The following SEL1L2 variants were observed in gnomAD, a reference collection of about 807,000 sequenced individuals.
SEL1L2 encodes SEL1L2 adaptor subunit of SYVN1 ubiquitin ligase.
In SEL1L2, 89 loss-of-function variants were observed where a neutral mutation model predicts 98.8. The ratio of observed to expected loss-of-function variants is 0.90; its 90% confidence interval spans 0.76 to 1.07. The LOEUF (loss-of-function observed/expected upper bound fraction) is 1.07. Ranked by LOEUF, SEL1L2 falls within the 50% of genes least tolerant of loss-of-function variation. The pLI, the probability that SEL1L2 is intolerant of heterozygous loss-of-function variation, is 0.00. For missense variants in SEL1L2, 788 were observed against 812.0 expected (o/e 0.97, Z 0.36); for synonymous variants, 262 against 278.5 (o/e 0.94, Z 0.59).
chr20:13,965,081 G>A (rs577031572), intron 1 of SEL1L2, among the ~76,000 whole-genome samples: 1 of 152,028 alleles, frequency 6.6e-6, no homozygotes, highest in East Asian at 1.9e-4. Context: ...CTGGGCCAGT[G>A]GGGAGTTTGG....
chr20:13,865,827 GTGTC>G lies in SEL1L2; in HGVS notation c.1405-317_1405-314del, dbSNP rs1479655757. Among the ~76,000 whole-genome samples the G allele has an allele frequency of 9.4e-4, 91 of 97,136 alleles. No homozygotes were observed. The Middle Eastern group carries it at 0.073, about 78-fold the overall frequency. The allele number at this position is 97,136 out of a possible 152,430, so 63.7% of individuals were successfully genotyped here. On this transcript the variant is annotated intron_variant, in intron 15 of 19. Transcript: ENST00000284951. ...GAATAAGAATGTATCGCTAGTGTGT[GTGTC>G]TGTGTGTGTGTGTGTGTGTGTGTGT... is the stretch of plus-strand genomic sequence containing the variant.
chr20:13,920,781 C>T (rs771815692), intron 3 of SEL1L2, among the ~76,000 whole-genome samples: 3 of 152,054 alleles, frequency 2.0e-5, no homozygotes, highest in Non-Finnish European at 4.4e-5. Context: ...TTCTGACAAG[C>T]AATCAGAGTT....
At chr20:13,988,523 T>C (rs1211309013) in intron 1 of SEL1L2, among the ~76,000 whole-genome samples, 1 of 152,218 alleles carries the variant, frequency 6.6e-6, no homozygotes, top group Non-Finnish European at 1.5e-5. Flanking sequence ...CTCAATTCCA[T>C]TCCAGTAACC....
At chr20:13,948,623 A>C (rs2050124933) in intron 2 of SEL1L2, among the ~76,000 whole-genome samples, 1 of 152,236 alleles carries the variant, frequency 6.6e-6, no homozygotes, top group Non-Finnish European at 1.5e-5. Context: ...CAAAGACCTA[A>C]ATACAAGACA....
At chr20:13,897,897 C>G (rs1055193579) in intron 5 of SEL1L2, among the ~76,000 whole-genome samples, 3 of 151,122 alleles carry the variant, frequency 2.0e-5, no homozygotes, top group African/African-American at 7.3e-5. Context: ...AAAAAAAACC[C>G]CACAATAAGA....
intron 2 of SEL1L2, among the ~76,000 whole-genome samples, chr20:13,951,990 A>G (rs6042455): frequency 0.97 from 146,872 of 152,178 alleles, 70,992 homozygotes; most frequent in East Asian, 1. Flanking sequence ...TAAACAGGAT[A>G]CTCATCACGC....
At chr20:13,855,069 A>T (rs1229531610) in intron 18 of SEL1L2, among the ~76,000 whole-genome samples, 1 of 151,948 alleles carries the variant, frequency 6.6e-6, no homozygotes, top group Non-Finnish European at 1.5e-5. Context: ...AAAAAAAAAA[A>T]AAAAATCTGG....
At chr20:13,951,374 G>A (rs1220558217) in intron 2 of SEL1L2, among the ~76,000 whole-genome samples, 1 of 139,778 alleles carries the variant, frequency 7.2e-6, no homozygotes, top group African/African-American at 2.7e-5. Context: ...CAGCACTTTG[G>A]GAGGCCAAGG....
intron 1 of SEL1L2, among the ~76,000 whole-genome samples, chr20:13,958,816 C>T (rs553258185): frequency 4.0e-5 from 6 of 151,240 alleles, no homozygotes; most frequent in South Asian, 4.2e-4. Context: ...TGGTGGCAGG[C>T]GCCTGTAGTC....
At chr20:13,988,625 C>A (rs2052372073) in intron 1 of SEL1L2, among the ~76,000 whole-genome samples, 1 of 152,134 alleles carries the variant, frequency 6.6e-6, no homozygotes, top group Non-Finnish European at 1.5e-5. Context: ...TCCTCCAACT[C>A]CATTCTTCTT....
intron 18 of SEL1L2, among the ~76,000 whole-genome samples, chr20:13,856,805 T>C (rs1989240734): frequency 6.6e-6 from 1 of 152,258 alleles, no homozygotes; most frequent in South Asian, 2.1e-4. Flanking sequence ...TATCACCTTC[T>C]TTGATTCTCA....
At chr20:13,989,703 A>G (rs1457678498) in intron 1 of SEL1L2, among the ~76,000 whole-genome samples, 5 of 152,224 alleles carry the variant, frequency 3.3e-5, no homozygotes, top group Admixed American at 6.5e-5. Flanking sequence ...CTTTTACTAG[A>G]TTAGAATGAT....
intron 10 of SEL1L2, among the ~76,000 whole-genome samples, chr20:13,880,853 T>C (rs1273840974): frequency 6.7e-6 from 1 of 150,322 alleles, no homozygotes; most frequent in African/African-American, 2.5e-5. Flanking sequence ...GGTATTACAC[T>C]AAGTAAGTAA....
intron 10 of SEL1L2, among the ~76,000 whole-genome samples, chr20:13,882,975 C>T (rs926532903): frequency 2.0e-5 from 3 of 152,094 alleles, no homozygotes; most frequent in African/African-American, 7.2e-5. Flanking sequence ...CGCCACTACG[C>T]CCGGCTAATT....
chr20:13,955,672 C>G, intron 2 of SEL1L2, among the ~76,000 whole-genome samples: 1 of 152,030 alleles, frequency 6.6e-6, no homozygotes, highest in East Asian at 1.9e-4. Context: ...AATTTGAATC[C>G]CCTACTTCCA....
At chr20:13,870,311 C>A in intron 12 of SEL1L2, 108 bp from the exon 13 acceptor site, 2 of 758,722 alleles carry the variant, frequency 2.6e-6, no homozygotes, top group South Asian at 1.7e-5. Context: ...AGAGATTAAT[C>A]AAGGCAGTTG....
In SEL1L2 at chr20:13,887,817, G is replaced by A; in HGVS notation, c.697C>T (p.Gln233Ter). ...YRYLSGINVL[Q>*]NCEVALSYYK... ...TAACTTAGGGCAACTTCACAATTCT[G>A]TAGAACATTGATTCCCGACAAATAT... The change falls in exon 8 of 20, where the codon CAG (glutamine) becomes TAG (stop). Residue 233 changes from glutamine (Q) to a stop codon, truncating the protein, a stop_gained. Coordinates refer to ENST00000284951, the MANE Select transcript of SEL1L2 (RefSeq NM_025229.2). LOFTEE classifies it high-confidence loss of function. 1 of 1,613,246 alleles carries A rather than the reference G, an allele frequency of 6.2e-7. No homozygotes were observed. Among genetic ancestry groups the A allele is most frequent in the Non-Finnish European group, 8.5e-7 (1 of 1,179,436 alleles).
chr20:13,950,156 C>G (rs2050199776), intron 2 of SEL1L2, among the ~76,000 whole-genome samples: 1 of 151,816 alleles, frequency 6.6e-6, no homozygotes, highest in Admixed American at 6.6e-5. Context: ...ATGTTGATTG[C>G]CAGGGGCTGG....
chr20:13,873,934 TA>T (rs1182169182), intron 12 of SEL1L2, among the ~76,000 whole-genome samples: 1 of 152,088 alleles, frequency 6.6e-6, no homozygotes, highest in Non-Finnish European at 1.5e-5. Context: ...AGGAAGCAGT[TA>T]AATCCCAGCA....
Sources: gnomAD v4.1 joint callset for allele counts (sites outside exome capture counted in the v4.1 genomes callset) on GRCh38, gnomAD v4.1.1 for gene constraint, MANE v1.5 for transcripts, NCBI Gene and HGNC (gene_info 2026-07-23, HGNC 2026-07-21) for gene names.